TBC1D24: variants seen among roughly 807,000 people sequenced by gnomAD.
TBC1D24 encodes the protein TBC1 domain family member 24.
In TBC1D24, 47 loss-of-function variants were observed where a neutral mutation model predicts 50.7. The observed-to-expected ratio is 0.93, with a 90% CI of 0.73 to 1.18. TBC1D24 has a LOEUF of 1.18. TBC1D24 is among the 50% of genes most tolerant of loss of function. The probability of loss-of-function intolerance (pLI) is 0.00; values close to 1 mark genes in which losing one functional copy is unlikely to be tolerated. For synonymous variants in TBC1D24, 324 were observed against 335.2 expected (o/e 0.97, Z 0.36); for missense variants, 688 against 766.5 (o/e 0.90, Z 1.21).
At chr16:2,481,584 C>A (rs970766230) in intron 1 of TBC1D24, 3 of 152,262 alleles carry the variant, frequency 2.0e-5, no homozygotes, top group Non-Finnish European at 4.4e-5. Context: ...TGGTTCTCCT[C>A]CTGTGTCCTG....
At chr16:2,493,472 C>T (rs1404251868) in intron 1 of TBC1D24, 2 of 152,184 alleles carry the variant, frequency 1.3e-5, no homozygotes, top group Non-Finnish European at 2.9e-5. Context: ...GTGTATTTTA[C>T]CACACACACA....
In TBC1D24 at chr16:2,496,780, A is replaced by C; in HGVS notation, c.632A>C (p.Asp211Ala). The change falls in exon 2 of 8, where the codon GAC (aspartate) becomes GCC (alanine). Residue 211 changes from aspartate to alanine, a missense_variant. By Grantham distance (126) the Asp-to-Ala change is moderately radical. Coordinates refer to ENST00000646147, the MANE Select transcript of TBC1D24 (RefSeq NM_001199107.2). The part of the protein sequence containing the change: ...VSEDVLQVYA[D>A]WQRWLFGELP... Reference sequence around the variant, plus strand: ...GAGGATGTCCTGCAGGTCTATGCGGACTGGCAGCGCTGGCTGTTTGGGGAG... The same window carrying C: ...GAGGATGTCCTGCAGGTCTATGCGGCCTGGCAGCGCTGGCTGTTTGGGGAG... 1 of 1,613,976 alleles carries C rather than the reference A, an allele frequency of 6.2e-7. No homozygotes were observed. The highest frequency in any genetic ancestry group is 8.5e-7 in the Non-Finnish European group (1 of 1,180,036).
chr16:2,499,290 C>CG lies in TBC1D24; in HGVS notation c.1143-65dup. On this transcript the variant is annotated intron_variant, in intron 4 of 7. Transcript: ENST00000646147. This position sits in a 1 kb window ranked among gnomAD's most constrained non-coding sequence, Gnocchi z 4.0. ...TTCGCCCCAAGACAGCTGGGGCCAG[C>CG]GGAGGCTGCAGGAGGCGGCTGGGAG... 1 of 1,457,808 alleles carries CG rather than the reference C, an allele frequency of 6.9e-7. No individual in the cohort carries two copies. The highest frequency in any genetic ancestry group is 9.5e-7 in the Non-Finnish European group (1 of 1,052,382). 90.3% of individuals were successfully genotyped at this position (1,457,808 alleles called of 1,614,324 possible).
At position 2,500,103 on chromosome 16, in the gene TBC1D24, C is replaced by T. The variant is rs1567414146; in HGVS notation, c.1303-165C>T. Reference sequence around the variant, plus strand: ...CATTCAGCCGTGCGCTGCTCCGGGGCAGGGGGCTTCATCTGCTCGAGCCAC... The same window carrying T: ...CATTCAGCCGTGCGCTGCTCCGGGGTAGGGGGCTTCATCTGCTCGAGCCAC... On this transcript the variant is annotated intron_variant, in intron 6 of 7. Coordinates refer to ENST00000646147, the MANE Select transcript of TBC1D24 (RefSeq NM_001199107.2). The surrounding 1 kb of genome is among the most constrained non-coding windows in gnomAD (Gnocchi z 8.0). Among the ~76,000 whole-genome samples, 3 of 152,156 alleles carry T rather than the reference C, an allele frequency of 2.0e-5. No homozygotes were observed. Among genetic ancestry groups the T allele is most frequent in the African/African-American group, 7.2e-5 (3 of 41,430 alleles).
chr16:2,492,409 T>C (rs1596964295), intron 1 of TBC1D24, among the ~76,000 whole-genome samples: 1 of 152,202 alleles, frequency 6.6e-6, no homozygotes, highest in Admixed American at 6.5e-5. Context: ...TCCAGTTTAA[T>C]ATTCAACCTG....
In TBC1D24 at chr16:2,500,226, C is replaced by A. The variant is rs770187053; in HGVS notation, c.1303-42C>A. On this transcript the variant is annotated intron_variant, in intron 6 of 7. Transcript: ENST00000646147. The surrounding 1 kb of genome is among the most constrained non-coding windows in gnomAD (Gnocchi z 8.0). ...TGTGGCTCTGGGGCAGAGGGGCCTGCGAACGCCCGCGCCAGCTCCTCACAC... is the reference window on the plus strand; with the variant it reads ...TGTGGCTCTGGGGCAGAGGGGCCTGAGAACGCCCGCGCCAGCTCCTCACAC... 1.3e-6 allele frequency: 2 copies of A among 1,517,084 alleles called. No individual in the cohort carries two copies. Among genetic ancestry groups the A allele is most frequent in the Non-Finnish European group, 1.8e-6 (2 of 1,114,662 alleles). The allele number at this position is 1,517,084 out of a possible 1,614,324, so 94.0% of individuals were successfully genotyped here.
intron 1 of TBC1D24, among the ~76,000 whole-genome samples, chr16:2,492,759 T>C (rs945563972): frequency 6.6e-6 from 1 of 152,184 alleles, no homozygotes; most frequent in African/African-American, 2.4e-5. Flanking sequence ...GTTTCTTTTC[T>C]TCTGAGGCCT....
chr16:2,489,603 T>C (rs922248857), intron 1 of TBC1D24, among the ~76,000 whole-genome samples: 3 of 152,066 alleles, frequency 2.0e-5, no homozygotes, highest in African/African-American at 7.2e-5. Context: ...GCACTGGGTA[T>C]GGAGGGCAGC....
Position 2,497,019 on chromosome 16 carries a change from G to A in TBC1D24, c.871G>A (p.Ala291Thr), listed in dbSNP as rs375307187. 94 of 1,613,710 alleles carry A rather than the reference G, an allele frequency of 5.8e-5. No individual in the cohort carries two copies. Among genetic ancestry groups the A allele is most frequent in the Middle Eastern group, 3.3e-4 (2 of 6,062 alleles). Residue 291 changes from alanine (A) to threonine (T), a missense_variant, in exon 2 of 8, where the codon GCC becomes ACC. By Grantham distance (58) the Ala-to-Thr change is moderately conservative. Coordinates refer to ENST00000646147, the MANE Select transcript of TBC1D24 (RefSeq NM_001199107.2). ...TGAGAAGCTGCTGGAGAAAGCGTTC[G>A]CCATCCGCCTCTTCTCCCGCAAGGA... ...SPEKLLEKAF[A>T]IRLFSRKEIQ...
chr16:2,497,623 C>T, intron 2 of TBC1D24, 87 bp from the exon 3 acceptor site: 1 of 1,346,242 alleles, frequency 7.4e-7, no homozygotes, highest in Middle Eastern at 1.8e-4. Context: ...CCAGCAAAGG[C>T]CTGTCGGGGG....
intron 1 of TBC1D24, chr16:2,476,845 G>C (rs1401839136): frequency 6.6e-6 from 1 of 152,268 alleles, no homozygotes; most frequent in Non-Finnish European, 1.5e-5. Context: ...CAGGGTCTGT[G>C]AAGTCACCTG....
chr16:2,479,388 GCT>G (rs2065593109), intron 1 of TBC1D24: 1 of 152,194 alleles, frequency 6.6e-6, no homozygotes, highest in African/African-American at 2.4e-5. Flanking sequence ...CACAGGTAGG[GCT>G]CTGAGAAAAG....
rs1471955155 is a variant in TBC1D24 at position 2,496,858 on chromosome 16, A to G, written c.710A>G (p.Tyr237Cys). Residue 237 changes from tyrosine (Y) to cysteine (C), a missense_variant, in exon 2 of 8, where the codon TAC (tyrosine) becomes TGC (cysteine). Transcript: ENST00000646147. ...RVFDVFLVEGYKVLYRVALAI... is the reference protein window; with the variant it reads ...RVFDVFLVEGCKVLYRVALAI... ...TTTGACGTCTTCCTGGTGGAGGGCT[A>G]CAAGGTGCTGTACCGCGTGGCGCTG... 6.8e-6 allele frequency: 11 copies of G among 1,613,968 alleles called. No individual in the cohort carries two copies. In the Middle Eastern group the frequency reaches 6.6e-4, roughly 96 times the overall value.
intron 1 of TBC1D24, among the ~76,000 whole-genome samples, chr16:2,494,103 A>G (rs8045864): frequency 0.045 from 6,896 of 152,138 alleles, 535 homozygotes; most frequent in African/African-American, 0.16. Flanking sequence ...TTCTTAGCAC[A>G]CACAGCTGGT....
Position 2,499,523 on chromosome 16 carries a change from T to G in TBC1D24, c.1206+103T>G. Reference sequence around the variant, plus strand: ...GATGGGCTTCAGGGCCTAGGCCTCCTGGGCCAGATCCAGAGTCAGAGCGTG... The same window carrying G: ...GATGGGCTTCAGGGCCTAGGCCTCCGGGGCCAGATCCAGAGTCAGAGCGTG... On this transcript the variant is annotated intron_variant, in intron 5 of 7. Transcript: ENST00000646147. This position sits in a 1 kb window ranked among gnomAD's most constrained non-coding sequence, Gnocchi z 4.0. 9.4e-7 allele frequency: 1 copy of G among 1,066,952 alleles called. No individual in the cohort carries two copies. Among genetic ancestry groups the G allele is most frequent in the Non-Finnish European group, 1.4e-6 (1 of 707,502 alleles). The allele number at this position is 1,066,952 out of a possible 1,614,324, so 66.1% of individuals were successfully genotyped here. A position where few individuals can be genotyped will look rare whatever the true frequency, so the allele number is the denominator to read the frequency against.
At position 2,496,131 on chromosome 16, in the gene TBC1D24, C is replaced by T. The variant is rs373691424; in HGVS notation, c.-18C>T. On this transcript the variant is annotated 5_prime_UTR_variant, in exon 2 of 8. Transcript: ENST00000646147. ...CCCTTCCGGCAGTCCAGGGCCTCCT[C>T]CCGAGCACAGCGGCGCTATGGACTC... 5.8e-5 allele frequency: 94 copies of T among 1,613,520 alleles called. No homozygotes were observed. In the African/African-American group the frequency reaches 1.1e-3, roughly 19 times the overall value.
chr16:2,492,108 G>A (rs1403368837), intron 1 of TBC1D24, among the ~76,000 whole-genome samples: 2 of 152,166 alleles, frequency 1.3e-5, no homozygotes, highest in Admixed American at 6.6e-5. Flanking sequence ...CCAAAGTGCT[G>A]GGATTACAGA....
rs2065760210 is a variant in TBC1D24, at chr16:2,498,229, T to TCC, written c.984-6_984-5dup. ...CCTTCGGGCTCTGACCCCTGCTCGCTCCCCTCAGGCAGTTTGTACACTTGG... is the reference window on the plus strand; with the variant it reads ...CCTTCGGGCTCTGACCCCTGCTCGCTCCCCCCTCAGGCAGTTTGTACACTTGG... On this transcript the variant is annotated splice_polypyrimidine_tract_variant and intron_variant, in intron 3 of 7. Coordinates refer to ENST00000646147, the MANE Select transcript of TBC1D24 (RefSeq NM_001199107.2). 5.0e-6 allele frequency: 8 copies of TCC among 1,601,604 alleles called. No homozygotes were observed. The highest frequency in any genetic ancestry group is 6.0e-6 in the Non-Finnish European group (7 of 1,173,646).
rs200926225 is a variant in TBC1D24 at position 2,496,641 on chromosome 16, G to T, written c.493G>T (p.Gly165Cys). 1 of 1,612,410 alleles carries T rather than the reference G, an allele frequency of 6.2e-7. No homozygotes were observed. The highest frequency in any genetic ancestry group is 8.5e-7 in the Non-Finnish European group (1 of 1,180,020). Reference sequence around the variant, plus strand: ...CCGCATCCTGGCCTGCAATGACCCCGGCAGGAGGCTGATCGACCAGAGCTT... The same window carrying T: ...CCGCATCCTGGCCTGCAATGACCCCTGCAGGAGGCTGATCGACCAGAGCTT... The part of the protein sequence containing the change: ...ACRILACNDP[G>C]RRLIDQSFLA... The change falls in exon 2 of 8, where the codon GGC (glycine) becomes TGC (cysteine). Residue 165 changes from glycine to cysteine, a missense_variant. By Grantham distance (159) the Gly-to-Cys change is radical (BLOSUM62 -3). Transcript: ENST00000646147.
Sources: gnomAD v4.1 joint callset for allele counts (sites outside exome capture counted in the v4.1 genomes callset) on GRCh38, gnomAD v4.1.1 for gene constraint, Gnocchi (gnomAD v3.1) non-coding constraint, MANE v1.5 for transcripts, NCBI Gene and HGNC (gene_info 2026-07-23, HGNC 2026-07-21) for gene names.